Variants in OTOG observed in about 807,000 individuals in gnomAD.
The protein encoded by OTOG is otogelin.
A neutral mutation model predicts 313.8 loss-of-function variants in OTOG; 296 were observed. The ratio of observed to expected loss-of-function variants is 0.94; its 90% CI spans 0.86 to 1.04. The LOEUF (loss-of-function observed/expected upper bound fraction) is 1.04. Ranked by LOEUF, OTOG falls within the 50% of genes least tolerant of loss-of-function variation. OTOG has a pLI of 0.00. For missense variants in OTOG, 3,948 were observed against 3,840.1 expected, an observed-to-expected ratio of 1.03 and a Z score of -0.74; for synonymous variants, 1,533 against 1,554.9, an observed-to-expected ratio of 0.99 and a Z score of 0.33.
At position 17,574,941 on chromosome 11, in the gene OTOG, G is replaced by A. The variant is rs1402541441; in HGVS notation, c.2486+29G>A. 4 of 1,467,478 alleles carry A rather than the reference G, an allele frequency of 2.7e-6. No homozygotes were observed. In the East Asian group the frequency reaches 7.7e-5, roughly 28 times the overall value. 90.9% of individuals were successfully genotyped at this position (1,467,478 alleles called of 1,614,324 possible). A position where few individuals can be genotyped will look rare whatever the true frequency, so the allele number is the denominator to read the frequency against. Reference sequence around the variant, plus strand: ...AGTGGGTCAGCTTGATCTCTGAGTTGGGTGGGAAGGTGAGGCCAGGGGTCT... The same window carrying A: ...AGTGGGTCAGCTTGATCTCTGAGTTAGGTGGGAAGGTGAGGCCAGGGGTCT... On this transcript the variant is annotated intron_variant, in intron 20 of 55. Coordinates refer to ENST00000399397, the MANE Select transcript of OTOG (RefSeq NM_001292063.2).
rs750741335 is a variant in OTOG, at chr11:17,632,061, C to G, written c.6934-27C>G. The G allele has an allele frequency of 5.2e-6, 8 of 1,548,324 alleles. No homozygotes were observed. In the South Asian group the frequency reaches 9.5e-5, roughly 18 times the overall value. The stretch of plus-strand genomic sequence containing the variant: ...ACTGGGATATGTGCCATCCGAGTAA[C>G]CAGCACTGCCTGATGCATATGTCCA... On this transcript the variant is annotated intron_variant, in intron 41 of 55. Transcript: ENST00000399397.
At chr11:17,565,353 G>A (rs1489790932) in intron 15 of OTOG, among the ~76,000 whole-genome samples, 1 of 152,142 alleles carries the variant, frequency 6.6e-6, no homozygotes, top group Non-Finnish European at 1.5e-5. Flanking sequence ...TTGGGAGGAA[G>A]ATCACAGAGG....
chr11:17,616,050 G>A (rs1853710867), intron 39 of OTOG, among the ~76,000 whole-genome samples: 1 of 152,046 alleles, frequency 6.6e-6, no homozygotes, highest in South Asian at 2.1e-4. Context: ...AAAATTAGGT[G>A]GTATTGTTTT....
chr11:17,641,903 C>A lies in OTOG; in HGVS notation c.8247C>A (p.Asn2749Lys), dbSNP rs778915475. 3 of 1,550,212 alleles carry A rather than the reference C, an allele frequency of 1.9e-6. No homozygotes were observed. Among genetic ancestry groups the A allele is most frequent in the African/African-American group, 1.4e-5 (1 of 73,006 alleles). Residue 2749 changes from asparagine to lysine, a missense_variant, in exon 52 of 56, where the codon AAC (asparagine) becomes AAA (lysine). Asn to Lys is a moderately conservative substitution (Grantham distance 94). Coordinates refer to ENST00000399397, the MANE Select transcript of OTOG (RefSeq NM_001292063.2). The part of the protein sequence containing the change: ...DLAACCGSCR[N>K]VSCLFTFPNG... The stretch of plus-strand genomic sequence containing the variant: ...CTGCCTGCTGCGGCTCCTGCAGGAA[C>A]GTGTCCTGTCTCTTCACCTTCCCCA...
In OTOG at chr11:17,634,224, G is replaced by A. The variant is rs771765463; in HGVS notation, c.7423G>A (p.Gly2475Arg). ...CCGCCCTGAGAGCTGCCTGCGATTC[G>A]GGGAGGTGGCCTTGCTCCTACCCAC... ...SPRPESCLRF[G>R]EVALLLPTKD... is the part of the protein sequence containing the mutation. Residue 2475 changes from glycine (G) to arginine (R), a missense_variant, in exon 44 of 56, where the codon GGG (glycine) becomes AGG (arginine). Gly to Arg is a moderately radical substitution (Grantham distance 125). Transcript: ENST00000399397. The A allele has an allele frequency of 6.5e-6, 10 of 1,550,368 alleles. No individual in the cohort carries two copies. The highest frequency in any genetic ancestry group is 1.2e-5 in the South Asian group (1 of 84,060).
At chr11:17,602,106 G>T in intron 31 of OTOG, 104 bp from the exon 32 acceptor site, 3 of 1,284,164 alleles carry the variant, frequency 2.3e-6, no homozygotes, top group Non-Finnish European at 3.2e-6. Context: ...GTTCCTCCTT[G>T]GTAGCTTGCC....
intron 39 of OTOG, 70 bp from the exon 40 acceptor site, chr11:17,629,063 G>A: frequency 1.4e-6 from 2 of 1,405,498 alleles, no homozygotes; most frequent in Non-Finnish European, 9.7e-7. Context: ...TGGATGGACG[G>A]ACAGATGGAT....
At chr11:17,613,929 A>T (rs1302288741) in intron 39 of OTOG, among the ~76,000 whole-genome samples, 1 of 150,882 alleles carries the variant, frequency 6.6e-6, no homozygotes, top group Non-Finnish European at 1.5e-5. Context: ...GAGGAATGGG[A>T]TATTGTTGTG....
intron 33 of OTOG, among the ~76,000 whole-genome samples, chr11:17,606,943 A>T (rs79255198): frequency 6.6e-6 from 1 of 152,232 alleles, no homozygotes; most frequent in Non-Finnish European, 1.5e-5. Context: ...AGACTTGCTC[A>T]TGATGGGAGT....
At chr11:17,599,624 C>T (rs1853195811) in intron 30 of OTOG, 47 bp from the exon 31 acceptor site, 2 of 1,547,976 alleles carry the variant, frequency 1.3e-6, no homozygotes, top group Non-Finnish European at 1.7e-6. Flanking sequence ...CTGTCTGTTC[C>T]AGGCTCTGGG....
rs1254382141 is a variant in OTOG at position 17,634,233 on chromosome 11, G to A, written c.7432G>A (p.Ala2478Thr). The change falls in exon 44 of 56, where the codon GCC (alanine) becomes ACC (threonine). Residue 2478 changes from alanine to threonine, a missense_variant. Transcript: ENST00000399397. Reference protein sequence around the residue: ...PESCLRFGEVALLLPTKDPCC... With the variant: ...PESCLRFGEVTLLLPTKDPCC... Reference sequence around the variant, plus strand: ...GAGCTGCCTGCGATTCGGGGAGGTGGCCTTGCTCCTACCCACCAAGGACCC... The same window carrying A: ...GAGCTGCCTGCGATTCGGGGAGGTGACCTTGCTCCTACCCACCAAGGACCC... 6.4e-7 allele frequency: 1 copy of A among 1,550,484 alleles called. No individual in the cohort carries two copies. Among genetic ancestry groups the A allele is most frequent in the Admixed American group, 2.0e-5 (1 of 51,000 alleles).
In OTOG at chr11:17,633,544, T is replaced by G. The variant is rs142044488; in HGVS notation, c.7073-136T>G. The G allele has an allele frequency of 4.5e-5, 37 of 815,776 alleles. No individual in the cohort carries two copies. The African/African-American group carries it at 5.4e-4, about 12-fold the overall frequency. 50.5% of individuals were successfully genotyped at this position (815,776 alleles called of 1,614,324 possible). A position where few individuals can be genotyped will look rare whatever the true frequency, so the allele number is the denominator to read the frequency against. On this transcript the variant is annotated intron_variant, in intron 42 of 55. Coordinates refer to ENST00000399397, the MANE Select transcript of OTOG (RefSeq NM_001292063.2). ...GGAAGGAGGTGATGTCACCAAGCCC[T>G]TTAACTTATGCACTCTCTGCTGAGG... is the stretch of plus-strand genomic sequence containing the variant.
intron 6 of OTOG, among the ~76,000 whole-genome samples, chr11:17,555,414 G>A (rs2134001794): frequency 6.6e-6 from 1 of 152,204 alleles, no homozygotes; most frequent in South Asian, 2.1e-4. Flanking sequence ...GTGTGAGATG[G>A]TGGAGTATGT....
In OTOG at chr11:17,561,496, A is replaced by T. The variant is rs549354993; in HGVS notation, c.1499-166A>T. Among the ~76,000 whole-genome samples, 7 of 152,158 alleles carry T rather than the reference A, an allele frequency of 4.6e-5. No homozygotes were observed. In the East Asian group the frequency reaches 1.4e-3, roughly 30 times the overall value. ...CTCTTCAAGGAGTTCTCTGGGGACA[A>T]GCCTGTGTCTCCCACTGCCCAGGGC... is the stretch of plus-strand genomic sequence containing the variant. On this transcript the variant is annotated intron_variant, in intron 14 of 55. Transcript: ENST00000399397.
intron 15 of OTOG, among the ~76,000 whole-genome samples, chr11:17,562,423 T>C (rs1380717523): frequency 1.3e-5 from 2 of 152,196 alleles, no homozygotes; most frequent in African/African-American, 2.4e-5. Flanking sequence ...ATAAAGGACA[T>C]GACTTAAAAT....
chr11:17,570,106 A>G, intron 16 of OTOG, 107 bp from the exon 17 acceptor site: 1 of 1,055,042 alleles, frequency 9.5e-7, no homozygotes, highest in South Asian at 1.6e-5. Context: ...GCAGGGGGCG[A>G]AGACTGGGCC....
intron 54 of OTOG, among the ~76,000 whole-genome samples, chr11:17,643,827 C>G (rs1362893775): frequency 6.6e-6 from 1 of 152,232 alleles, no homozygotes; most frequent in African/African-American, 2.4e-5. Context: ...GCCAAGGCCC[C>G]CAGCCCAGAT....
chr11:17,634,048 C>T, intron 43 of OTOG, 21 bp from the exon 44 acceptor site: 1 of 1,536,824 alleles, frequency 6.5e-7, no homozygotes. Flanking sequence ...GTCCCTCGCA[C>T]CCTGCCATTC....
At chr11:17,592,513 G>A (rs1438131253) in intron 25 of OTOG, among the ~76,000 whole-genome samples, 1 of 152,086 alleles carries the variant, frequency 6.6e-6, no homozygotes, top group Non-Finnish European at 1.5e-5. Context: ...AGTCAGGGAT[G>A]AATCCTGCAA....
Sources: allele counts gnomAD v4.1 joint callset (sites outside exome capture counted in the v4.1 genomes callset), GRCh38; gene constraint gnomAD v4.1.1; transcripts MANE v1.5; gene names NCBI Gene and HGNC (gene_info 2026-07-23, HGNC 2026-07-21).